The following RERE variants were observed in gnomAD, a reference collection of about 807,000 sequenced individuals.
RERE encodes arginine-glutamic acid dipeptide repeats protein.
In RERE, 40 loss-of-function variants were observed where a neutral mutation model predicts 146.1. The ratio of observed to expected loss-of-function variants is 0.27; its 90% confidence interval spans 0.21 to 0.36. RERE has a LOEUF of 0.36. RERE is among the 10% of genes least tolerant of loss of function. The pLI, the probability that RERE is intolerant of heterozygous loss-of-function variation, is 1.00. For synonymous variants in RERE, 1,003 were observed against 866.0 expected (o/e 1.16, Z -2.78); for missense variants, 1,933 against 2,138.7 (o/e 0.90, Z 1.90).
intron 1 of RERE, among the ~76,000 whole-genome samples, chr1:8,667,392 C>T (rs1638600565): frequency 6.6e-6 from 1 of 152,176 alleles, no homozygotes; most frequent in Non-Finnish European, 1.5e-5. Flanking sequence ...CACACAAACT[C>T]GGCTAGGTGT....
intron 4 of RERE, among the ~76,000 whole-genome samples, chr1:8,602,597 T>A (rs2124147197): frequency 6.6e-6 from 1 of 151,608 alleles, no homozygotes; most frequent in South Asian, 2.1e-4. Flanking sequence ...TAGCCAGGAA[T>A]ACTTGTTTGG....
At chr1:8,380,039 C>A (rs900166633) in intron 12 of RERE, among the ~76,000 whole-genome samples, 4 of 152,244 alleles carry the variant, frequency 2.6e-5, no homozygotes, top group Non-Finnish European at 5.9e-5. Flanking sequence ...CCCACTCCAA[C>A]GCCCACCTCA....
At position 8,356,385 on chromosome 1, in the gene RERE, A is replaced by T; in HGVS notation, c.4340-139T>A. 1 of 1,031,942 alleles carries T rather than the reference A, an allele frequency of 9.7e-7. No individual in the cohort carries two copies. The highest frequency in any genetic ancestry group is 4.2e-5 in the Admixed American group (1 of 23,776). The allele number at this position is 1,031,942 out of a possible 1,614,324, so 63.9% of individuals were successfully genotyped here. A position where few individuals can be genotyped will look rare whatever the true frequency, so the allele number is the denominator to read the frequency against. ...AGGGCTGGATGCACCACCTGGCTAC[A>T]GGTGGCCCTGCCCCAAAGTGGCTGC... is the stretch of plus-strand genomic sequence containing the variant. On this transcript the variant is annotated intron_variant, in intron 20 of 22. Coordinates refer to ENST00000400908, the MANE Select transcript of RERE (RefSeq NM_001042681.2). This position sits in a 1 kb window ranked among gnomAD's most constrained non-coding sequence, Gnocchi z 5.2.
At chr1:8,712,027 G>A (rs940838514) in intron 1 of RERE, among the ~76,000 whole-genome samples, 1 of 152,168 alleles carries the variant, frequency 6.6e-6, no homozygotes, top group African/African-American at 2.4e-5. Context: ...CTCAGCATCA[G>A]AGGTAGCATT....
At chr1:8,693,171 C>T (rs1639246548) in intron 1 of RERE, among the ~76,000 whole-genome samples, 1 of 152,204 alleles carries the variant, frequency 6.6e-6, no homozygotes, top group Non-Finnish European at 1.5e-5. Flanking sequence ...AGACACCTCG[C>T]AAGACAGCAT....
chr1:8,760,339 A>G (rs145045343), intron 1 of RERE, among the ~76,000 whole-genome samples: 1 of 152,258 alleles, frequency 6.6e-6, no homozygotes, highest in Non-Finnish European at 1.5e-5. Context: ...TAGGCCTGTA[A>G]TAGTTAAGAC....
chr1:8,792,975 G>A (rs1182848331), intron 1 of RERE, among the ~76,000 whole-genome samples: 3 of 151,834 alleles, frequency 2.0e-5, no homozygotes, highest in East Asian at 1.9e-4. Context: ...TGGCCAACAC[G>A]GTGAAACCCC....
intron 2 of RERE, among the ~76,000 whole-genome samples, chr1:8,626,646 T>A (rs1557442744): frequency 6.6e-6 from 1 of 152,148 alleles, no homozygotes; most frequent in East Asian, 1.9e-4. Flanking sequence ...GCTGGAGAGA[T>A]GTCAGCCCCA....
At chr1:8,422,303 C>A (rs1166931839) in intron 12 of RERE, among the ~76,000 whole-genome samples, 1 of 152,144 alleles carries the variant, frequency 6.6e-6, no homozygotes, top group Non-Finnish European at 1.5e-5. Context: ...AAAAATCCCC[C>A]AGAACTCAAA....
At chr1:8,633,655 G>A (rs1406924429) in intron 2 of RERE, among the ~76,000 whole-genome samples, 4 of 152,160 alleles carry the variant, frequency 2.6e-5, no homozygotes, top group African/African-American at 4.8e-5. Flanking sequence ...GGCTGCGCAC[G>A]GTGGCTCAGG....
chr1:8,559,402 C>G (rs558838008), intron 4 of RERE, among the ~76,000 whole-genome samples: 1 of 150,704 alleles, frequency 6.6e-6, no homozygotes, highest in African/African-American at 2.4e-5. Context: ...TACAAAAATA[C>G]GGCATCATCA....
rs564559130 is a variant in RERE at position 8,539,528 on chromosome 1, C to A, written c.830+1686G>T. 2.9e-3 allele frequency among the ~76,000 whole-genome samples: 435 copies of A among 152,250 alleles called. 2 individuals carry two copies. The highest frequency in any genetic ancestry group is 0.01 in the African/African-American group (416 of 41,542). ...TAAAGCAATTCTCCTGCCTCAGCCT[C>A]CAGAGAAGCTGGGATTAAAGGTGTG... On this transcript the variant is annotated intron_variant, in intron 7 of 22. Coordinates refer to ENST00000400908, the MANE Select transcript of RERE (RefSeq NM_001042681.2).
At chr1:8,363,870 C>A (rs775943537) in intron 15 of RERE, 186 bp downstream of exon 15, 2 of 617,190 alleles carry the variant, frequency 3.2e-6, no homozygotes, top group Non-Finnish European at 5.7e-6. Context: ...TGGGGCCCCT[C>A]GAAGGAGAGA....
At chr1:8,729,355 G>A (rs1557507707) in intron 1 of RERE, among the ~76,000 whole-genome samples, 1 of 150,868 alleles carries the variant, frequency 6.6e-6, no homozygotes, top group Non-Finnish European at 1.5e-5. Flanking sequence ...CTCCCAAGTA[G>A]CTGGGACTAC....
At chr1:8,767,953 GA>G (rs1485492832) in intron 1 of RERE, among the ~76,000 whole-genome samples, 1 of 151,856 alleles carries the variant, frequency 6.6e-6, no homozygotes, top group African/African-American at 2.4e-5. Flanking sequence ...GTGACAGAGC[GA>G]AACTTTGTCT....
chr1:8,704,052 T>C (rs962609660), intron 1 of RERE, among the ~76,000 whole-genome samples: 1 of 152,218 alleles, frequency 6.6e-6, no homozygotes, highest in Non-Finnish European at 1.5e-5. Context: ...TAAGTGCACA[T>C]TCCTTACCAT....
intron 12 of RERE, among the ~76,000 whole-genome samples, chr1:8,382,779 C>A (rs1243237430): frequency 6.6e-6 from 1 of 152,094 alleles, no homozygotes; most frequent in Non-Finnish European, 1.5e-5. Context: ...GAAAAACCAC[C>A]ACAGGAAGGT....
At chr1:8,653,508 C>A (rs1647742587) in intron 2 of RERE, among the ~76,000 whole-genome samples, 1 of 151,780 alleles carries the variant, frequency 6.6e-6, no homozygotes, top group African/African-American at 2.4e-5. Flanking sequence ...GAGATCGAGA[C>A]CACGGTGAAA....
chr1:8,360,575 G>C lies in RERE; in HGVS notation c.2932C>G (p.His978Asp). 6.9e-7 allele frequency: 1 copy of C among 1,452,330 alleles called. No individual in the cohort carries two copies. Among genetic ancestry groups the C allele is most frequent in the Non-Finnish European group, 9.2e-7 (1 of 1,084,956 alleles). The allele number at this position is 1,452,330 out of a possible 1,614,324, so 90.0% of individuals were successfully genotyped here. ...GGGGGGTGAGCCGACGGGGGGTGATGTGTGGACAGGGAGCTCAGGGGCTTC... is the reference window on the plus strand; with the variant it reads ...GGGGGGTGAGCCGACGGGGGGTGATCTGTGGACAGGGAGCTCAGGGGCTTC... ...ALKPLSSLST[H>D]HPPSAHPPPL... Residue 978 changes from histidine to aspartate, a missense_variant, in exon 18 of 23, where the codon CAT becomes GAT. This residue lies in a region of RERE where 1,255 missense variants were observed against 1,153.8 expected (regional missense o/e 1.09). Coordinates refer to ENST00000400908, the MANE Select transcript of RERE (RefSeq NM_001042681.2).
Sources: allele counts gnomAD v4.1 joint callset (sites outside exome capture counted in the v4.1 genomes callset), GRCh38; gene constraint gnomAD v4.1.1; regional missense constraint gnomAD v4.1.1; non-coding constraint Gnocchi (gnomAD v3.1); transcripts MANE v1.5; gene names NCBI Gene and HGNC (gene_info 2026-07-23, HGNC 2026-07-21).